The following ARL13B variants were observed in gnomAD, a reference collection of about 807,000 sequenced individuals.
ARL13B encodes the protein ARF like GTPase 13B.
In ARL13B, 36 loss-of-function variants were observed where a neutral mutation model predicts 56.1. The observed-to-expected ratio is 0.64, with a 90% confidence interval of 0.49 to 0.85. The LOEUF is 0.85. Among genes scored for constraint, ARL13B ranks in the 40% least tolerant of loss-of-function variants. ARL13B has a pLI of 0.00. For synonymous variants in ARL13B, 178 were observed against 171.1 expected (o/e 1.04, Z -0.32); for missense variants, 519 against 507.1 (o/e 1.02, Z -0.23).
intron 1 of ARL13B, among the ~76,000 whole-genome samples, chr3:93,985,686 AT>A (rs1463612594): frequency 6.6e-6 from 1 of 152,186 alleles, no homozygotes; most frequent in Non-Finnish European, 1.5e-5. Context: ...TCATATTTCA[AT>A]TTTATTTTAA....
chr3:94,013,422 A>G (rs2076260486), intron 3 of ARL13B, among the ~76,000 whole-genome samples: 1 of 152,204 alleles, frequency 6.6e-6, no homozygotes, highest in Non-Finnish European at 1.5e-5. Context: ...GCATTATCTT[A>G]AAGTCATGGC....
intron 3 of ARL13B, chr3:94,015,266 T>C (rs749187469): frequency 2.6e-6 from 4 of 1,531,682 alleles, no homozygotes. Context: ...AGTCGGTCTT[T>C]CATCTTCCCT....
chr3:94,053,439 T>C lies in ARL13B; in HGVS notation c.*176T>C, dbSNP rs1307792409. On this transcript the variant is annotated 3_prime_UTR_variant, in exon 10 of 10. Coordinates refer to ENST00000394222, the MANE Select transcript of ARL13B (RefSeq NM_001174150.2). ...GATAATTACTTATTTGTGTTTTTCA[T>C]GGTTAAAAAAATAAAAGAAGCACAA... is the stretch of plus-strand genomic sequence containing the variant. 1.4e-6 allele frequency: 1 copy of C among 718,476 alleles called. No homozygotes were observed. The highest frequency in any genetic ancestry group is 2.7e-5 in the East Asian group (1 of 36,460). 44.5% of individuals were successfully genotyped at this position (718,476 alleles called of 1,614,324 possible).
chr3:94,034,582 A>T (rs1275462137), intron 3 of ARL13B, among the ~76,000 whole-genome samples: 1 of 151,626 alleles, frequency 6.6e-6, no homozygotes, highest in Non-Finnish European at 1.5e-5. Context: ...TAAATTGCAC[A>T]TTTATGTGGA....
intron 3 of ARL13B, among the ~76,000 whole-genome samples, chr3:94,025,579 G>T (rs2076539592): frequency 6.6e-6 from 1 of 152,184 alleles, no homozygotes; most frequent in Non-Finnish European, 1.5e-5. Context: ...AGTGTATTTA[G>T]TGAAATTCGT....
intron 1 of ARL13B, among the ~76,000 whole-genome samples, chr3:93,980,712 T>C (rs1431717105): frequency 6.6e-6 from 1 of 150,712 alleles, no homozygotes; most frequent in African/African-American, 2.5e-5. Context: ...TAAATAGGTT[T>C]GAATTTGTTA....
intron 2 of ARL13B, among the ~76,000 whole-genome samples, chr3:93,998,288 TTTG>T (rs2075999271): frequency 6.6e-6 from 1 of 152,194 alleles, no homozygotes. Context: ...GATTACCTAA[TTTG>T]TTATGTATAC....
chr3:94,003,368 A>G (rs1181698737), intron 2 of ARL13B, among the ~76,000 whole-genome samples: 2 of 152,200 alleles, frequency 1.3e-5, no homozygotes, highest in East Asian at 3.8e-4. Flanking sequence ...GACAGTAAAT[A>G]GCCTTAAAGG....
At chr3:94,037,914 T>C (rs1222775464) in intron 5 of ARL13B, among the ~76,000 whole-genome samples, 1 of 152,146 alleles carries the variant, frequency 6.6e-6, no homozygotes, top group African/African-American at 2.4e-5. Context: ...TTTCTTTCTT[T>C]CTCTTTATCC....
intron 3 of ARL13B, among the ~76,000 whole-genome samples, chr3:94,012,014 C>G (rs1348973739): frequency 6.6e-6 from 1 of 152,014 alleles, no homozygotes; most frequent in African/African-American, 2.4e-5. Context: ...TTGACTGTTT[C>G]TTCACATTTT....
intron 7 of ARL13B, among the ~76,000 whole-genome samples, chr3:94,045,375 C>T (rs2076963429): frequency 6.6e-6 from 1 of 151,164 alleles, no homozygotes; most frequent in Non-Finnish European, 1.5e-5. Flanking sequence ...TGCTGACCTT[C>T]TCTCCACTAT....
At chr3:94,011,378 T>C (rs2076222190) in intron 3 of ARL13B, among the ~76,000 whole-genome samples, 1 of 152,168 alleles carries the variant, frequency 6.6e-6, no homozygotes, top group African/African-American at 2.4e-5. Flanking sequence ...TTCTTATCTT[T>C]CTTAGAATGT....
At chr3:94,012,449 T>G (rs1221865651) in intron 3 of ARL13B, among the ~76,000 whole-genome samples, 1 of 152,182 alleles carries the variant, frequency 6.6e-6, no homozygotes, top group Non-Finnish European at 1.5e-5. Context: ...CTTTTAAATC[T>G]ATCAGAAGTT....
chr3:94,039,074 T>A (rs2076818641), intron 5 of ARL13B, among the ~76,000 whole-genome samples: 1 of 152,198 alleles, frequency 6.6e-6, no homozygotes, highest in African/African-American at 2.4e-5. Context: ...TCTGTAGATA[T>A]TCTAGTCTTT....
At chr3:93,988,238 G>GA (rs370248759) in intron 1 of ARL13B, among the ~76,000 whole-genome samples, 1,993 of 119,670 alleles carry the variant, frequency 0.017, 12 homozygotes, top group Middle Eastern at 0.069. Context: ...ACAATTCTGT[G>GA]AAAAAAAAAA....
chr3:94,043,534 G>GACCTCCCCCTCCTCC (rs2076902213), intron 7 of ARL13B, among the ~76,000 whole-genome samples: 1 of 13,364 alleles, frequency 7.5e-5, no homozygotes, highest in Non-Finnish European at 1.5e-4. Flanking sequence ...CCTTGGAATA[G>GACCTCCCCCTCCTCC]CCCTCCCCCT....
At chr3:94,045,745 G>A (rs968502729) in intron 7 of ARL13B, among the ~76,000 whole-genome samples, 5 of 151,516 alleles carry the variant, frequency 3.3e-5, no homozygotes, top group African/African-American at 9.7e-5. Context: ...GGAGGATCAC[G>A]AGGACAGGAG....
intron 4 of ARL13B, among the ~76,000 whole-genome samples, chr3:94,036,026 T>G (rs780179577): frequency 1.4e-4 from 22 of 152,068 alleles, no homozygotes; most frequent in Non-Finnish European, 2.8e-4. Context: ...TGAGTTCTAA[T>G]TCAGCCACTG....
chr3:94,014,572 A>G, intron 3 of ARL13B: 3 of 1,611,984 alleles, frequency 1.9e-6, no homozygotes, highest in Non-Finnish European at 2.5e-6. Flanking sequence ...TATCTGAATG[A>G]AAAGATCCCT....
Sources: allele counts gnomAD v4.1 joint callset (sites outside exome capture counted in the v4.1 genomes callset), GRCh38; gene constraint gnomAD v4.1.1; transcripts MANE v1.5; gene names NCBI Gene and HGNC (gene_info 2026-07-23, HGNC 2026-07-21).